MACROD2: variants seen among roughly 807,000 people sequenced by gnomAD.
The protein encoded by MACROD2 is ADP-ribose glycohydrolase MACROD2.
MACROD2 carries 36 observed loss-of-function variants against 70.4 expected under a neutral mutation model. The ratio of observed to expected loss-of-function variants is 0.51; its 90% confidence interval spans 0.39 to 0.68. The LOEUF (loss-of-function observed/expected upper bound fraction) is 0.68. Among genes scored for constraint, MACROD2 ranks in the 30% least tolerant of loss-of-function variants. MACROD2 has a pLI of 0.00. For synonymous variants in MACROD2, 172 were observed against 178.8 expected (o/e 0.96, Z 0.30); for missense variants, 496 against 538.4 (o/e 0.92, Z 0.78).
intron 8 of MACROD2, among the ~76,000 whole-genome samples, chr20:15,545,083 T>C (rs1215761365): frequency 6.6e-6 from 1 of 152,242 alleles, no homozygotes; most frequent in African/African-American, 2.4e-5. Flanking sequence ...CCCTGACATG[T>C]AGCACACACT....
intron 8 of MACROD2, among the ~76,000 whole-genome samples, chr20:15,817,964 C>A (rs1179708047): frequency 6.6e-6 from 1 of 152,146 alleles, no homozygotes; most frequent in Non-Finnish European, 1.5e-5. Flanking sequence ...GCTATGCTTT[C>A]TTTTTCCTCG....
At chr20:15,159,062 A>T (rs1406891680) in intron 5 of MACROD2, among the ~76,000 whole-genome samples, 1 of 152,138 alleles carries the variant, frequency 6.6e-6, no homozygotes, top group East Asian at 1.9e-4. Flanking sequence ...TTCCTTTTTA[A>T]TATATGTATA....
At chr20:15,360,665 A>G (rs1465027278) in intron 6 of MACROD2, among the ~76,000 whole-genome samples, 1 of 152,106 alleles carries the variant, frequency 6.6e-6, no homozygotes, top group Non-Finnish European at 1.5e-5. Context: ...GCATGCATGT[A>G]CAATTTTACA....
intron 6 of MACROD2, among the ~76,000 whole-genome samples, chr20:15,416,225 A>T (rs1472037341): frequency 2.6e-5 from 4 of 152,348 alleles, no homozygotes; most frequent in Admixed American, 1.3e-4. Flanking sequence ...TTTTCAGGCC[A>T]CGAGTAGCAA....
At chr20:15,294,039 T>G (rs1454814200) in intron 6 of MACROD2, among the ~76,000 whole-genome samples, 2 of 150,308 alleles carry the variant, frequency 1.3e-5, no homozygotes, top group Non-Finnish European at 3.0e-5. Context: ...GAGAATTGCT[T>G]GAACACAGGA....
In MACROD2 at chr20:14,466,877, C is replaced by G. The variant is rs139892160; in HGVS notation, c.272-26602C>G. ...ATTGGTGAACCACAAATGCTGCTGC[C>G]TGATCGTTCCTCTGGAAGTTTTGTC... On this transcript the variant is annotated intron_variant, in intron 3 of 17. Transcript: ENST00000684519. Among the ~76,000 whole-genome samples, 1,013 of 152,172 alleles carry G rather than the reference C, an allele frequency of 6.7e-3. 23 individuals carry two copies. The highest frequency in any genetic ancestry group is 0.024 in the African/African-American group (989 of 41,444).
At chr20:14,939,206 C>T (rs1683716845) in intron 5 of MACROD2, among the ~76,000 whole-genome samples, 1 of 151,986 alleles carries the variant, frequency 6.6e-6, no homozygotes. Flanking sequence ...AAGTTTTCTT[C>T]TAGTACTTTT....
chr20:15,078,001 T>C (rs1433381584), intron 5 of MACROD2, among the ~76,000 whole-genome samples: 2 of 152,084 alleles, frequency 1.3e-5, no homozygotes, highest in African/African-American at 4.8e-5. Context: ...GAAAAGGAGC[T>C]ACCCAAGCCA....
intron 3 of MACROD2, among the ~76,000 whole-genome samples, chr20:14,336,375 A>C (rs1007251377): frequency 1.3e-5 from 2 of 151,810 alleles, no homozygotes; most frequent in African/African-American, 4.8e-5. Flanking sequence ...ATAAAAACAA[A>C]CCCCCCAGAT....
chr20:15,552,796 G>T (rs2048117296), intron 8 of MACROD2: 1 of 152,218 alleles, frequency 6.6e-6, no homozygotes, highest in Non-Finnish European at 1.5e-5. Flanking sequence ...ACTGTTTTAA[G>T]AATGTCCTAT....
intron 2 of MACROD2, among the ~76,000 whole-genome samples, chr20:14,012,832 A>G (rs2148618108): frequency 6.6e-6 from 1 of 152,336 alleles, no homozygotes; most frequent in South Asian, 2.1e-4. Context: ...GGATACTTGA[A>G]ATACTTGAGG....
intron 12 of MACROD2, among the ~76,000 whole-genome samples, chr20:15,940,615 C>T (rs1044754156): frequency 2.0e-5 from 3 of 152,106 alleles, no homozygotes; most frequent in African/African-American, 7.2e-5. Context: ...TGAGGCAAGA[C>T]CCTAACCAGG....
chr20:15,008,799 AC>A (rs1305852017), intron 5 of MACROD2, among the ~76,000 whole-genome samples: 3 of 152,152 alleles, frequency 2.0e-5, no homozygotes, highest in Admixed American at 2.0e-4. Context: ...GTTTATTATC[AC>A]CTTATTAAAG....
At chr20:15,842,705 G>A (rs1455309693) in intron 8 of MACROD2, among the ~76,000 whole-genome samples, 1 of 131,898 alleles carries the variant, frequency 7.6e-6, no homozygotes, top group Non-Finnish European at 1.6e-5. Flanking sequence ...ATGGGGGGTG[G>A]GTGGATGGAT....
rs191967181 is a variant in MACROD2, at chr20:15,802,434, A to G, written c.646-60311A>G. Among the ~76,000 whole-genome samples, 151 of 152,264 alleles carry G rather than the reference A, an allele frequency of 9.9e-4. 3 individuals are homozygous for G. The East Asian group carries it at 0.026, about 27-fold the overall frequency. Reference sequence around the variant, plus strand: ...GGATTTTATTGAATGCTTTTTCTGCATCTATTGAGATGATCATATGGTTTC... The same window carrying G: ...GGATTTTATTGAATGCTTTTTCTGCGTCTATTGAGATGATCATATGGTTTC... On this transcript the variant is annotated intron_variant, in intron 8 of 17. Transcript: ENST00000684519.
chr20:14,463,261 A>G (rs374180717), intron 3 of MACROD2, among the ~76,000 whole-genome samples: 1 of 151,782 alleles, frequency 6.6e-6, no homozygotes, highest in African/African-American at 2.4e-5. Flanking sequence ...ATCCCTTGTA[A>G]GTTGGATTCC....
chr20:14,096,364 C>CT (rs71335950), intron 3 of MACROD2, among the ~76,000 whole-genome samples: 18,733 of 118,102 alleles, frequency 0.16, 2,169 homozygotes, highest in African/African-American at 0.21. Flanking sequence ...GTTATTTTAC[C>CT]TTTTTTTTTT....
At chr20:14,360,307 G>GTTAA (rs1363326361) in intron 3 of MACROD2, among the ~76,000 whole-genome samples, 1 of 152,102 alleles carries the variant, frequency 6.6e-6, no homozygotes, top group African/African-American at 2.4e-5. Flanking sequence ...TAATACATGT[G>GTTAA]TTAATTAGCT....
chr20:15,419,702 C>T (rs1383827626), intron 6 of MACROD2, among the ~76,000 whole-genome samples: 2 of 152,170 alleles, frequency 1.3e-5, no homozygotes, highest in Non-Finnish European at 2.9e-5. Context: ...GTCAATTTTC[C>T]TCGGGCTCTG....
Sources: allele counts gnomAD v4.1 joint callset (sites outside exome capture counted in the v4.1 genomes callset), GRCh38; gene constraint gnomAD v4.1.1; transcripts MANE v1.5; gene names NCBI Gene and HGNC (gene_info 2026-07-23, HGNC 2026-07-21).